Variants in GRID1 observed in about 807,000 individuals in gnomAD.
The protein encoded by GRID1 is glutamate ionotropic receptor delta type subunit 1.
GRID1 carries 28 observed loss-of-function variants against 98.0 expected under a neutral mutation model. The observed-to-expected ratio is 0.29, with a 90% CI of 0.21 to 0.39. The LOEUF is 0.39. Ranked by LOEUF, GRID1 falls within the 10% of genes least tolerant of loss-of-function variation. The pLI is 1.00. For synonymous variants in GRID1, 553 were observed against 538.5 expected (o/e 1.03, Z -0.37); for missense variants, 1,111 against 1,340.5 (o/e 0.83, Z 2.67).
intron 2 of GRID1, among the ~76,000 whole-genome samples, chr10:86,356,489 G>A (rs12778367): frequency 0.12 from 18,359 of 152,182 alleles, 1,466 homozygotes; most frequent in Middle Eastern, 0.21. Flanking sequence ...TGTGGCCAAC[G>A]AGTCATAAGC....
intron 12 of GRID1, among the ~76,000 whole-genome samples, chr10:85,688,536 C>CATGA (rs1841294887): frequency 6.6e-6 from 1 of 152,068 alleles, no homozygotes; most frequent in Non-Finnish European, 1.5e-5. Flanking sequence ...GATTTAAACA[C>CATGA]CCCCCAAAGC....
chr10:86,278,262 C>T (rs1269162628), intron 2 of GRID1, among the ~76,000 whole-genome samples: 1 of 152,082 alleles, frequency 6.6e-6, no homozygotes, highest in Non-Finnish European at 1.5e-5. Context: ...GGCTATAATA[C>T]TATTTTTTAA....
intron 3 of GRID1, among the ~76,000 whole-genome samples, chr10:86,176,466 G>T (rs1011887207): frequency 1.3e-5 from 2 of 152,234 alleles, no homozygotes; most frequent in Non-Finnish European, 2.9e-5. Flanking sequence ...CTGAAAAAAT[G>T]GAGGCATAAG....
In GRID1 at chr10:86,007,035, G is replaced by A. The variant is rs566288842; in HGVS notation, c.727-90796C>T. ...ATGGGGGAAGCAGGGGTCACACTCC[G>A]CAGTTTAATATTGAGAGGCTTGATT... On this transcript the variant is annotated intron_variant, in intron 4 of 15. Transcript: ENST00000327946. 1.1e-4 allele frequency among the ~76,000 whole-genome samples: 17 copies of A among 152,248 alleles called. No individual in the cohort carries two copies. The South Asian group carries it at 3.5e-3, about 32-fold the overall frequency.
chr10:85,756,056 T>C lies in GRID1; in HGVS notation c.1234-26442A>G, dbSNP rs78902993. Among the ~76,000 whole-genome samples the C allele has an allele frequency of 2.2e-4, 33 of 151,834 alleles. No individual in the cohort carries two copies. The East Asian group carries it at 5.1e-3, about 23-fold the overall frequency. On this transcript the variant is annotated intron_variant, in intron 8 of 15. Transcript: ENST00000327946. ...ATAGTCCTCCCTTATCTGAGGGGGA[T>C]ACATTATGTTCCAATACCCCCCCTA...
intron 2 of GRID1, among the ~76,000 whole-genome samples, chr10:86,334,052 A>G (rs571466090): frequency 6.6e-6 from 1 of 151,242 alleles, no homozygotes; most frequent in South Asian, 2.1e-4. Context: ...TGGCCAGGGG[A>G]AGCCCCTCAC....
At chr10:86,155,805 C>A (rs1328057338) in intron 3 of GRID1, among the ~76,000 whole-genome samples, 1 of 152,188 alleles carries the variant, frequency 6.6e-6, no homozygotes, top group Non-Finnish European at 1.5e-5. Context: ...TCATGAATCT[C>A]TAGCCGGGGC....
intron 4 of GRID1, among the ~76,000 whole-genome samples, chr10:86,102,543 C>T (rs932114050): frequency 6.6e-6 from 1 of 152,230 alleles, no homozygotes; most frequent in Non-Finnish European, 1.5e-5. Context: ...CTGCCCGGCG[C>T]TGCCACACCA....
intron 6 of GRID1, among the ~76,000 whole-genome samples, chr10:85,865,971 A>ATATATATACATATATATG (rs1564613351): frequency 6.3e-4 from 68 of 107,678 alleles, no homozygotes; most frequent in Middle Eastern, 4.5e-3. Context: ...AGAGAGAGAG[A>ATATATATACATATATATG]GAGAGAGAGA....
At chr10:86,130,248 C>A (rs2131965843) in intron 4 of GRID1, among the ~76,000 whole-genome samples, 1 of 152,356 alleles carries the variant, frequency 6.6e-6, no homozygotes, top group Non-Finnish European at 1.5e-5. Flanking sequence ...AGGGGACTGG[C>A]AGCTCAAGCA....
chr10:85,787,212 C>T (rs1842437722), intron 8 of GRID1, among the ~76,000 whole-genome samples: 1 of 152,306 alleles, frequency 6.6e-6, no homozygotes, highest in Non-Finnish European at 1.5e-5. Context: ...CCAGGACAGT[C>T]CTGGAAGGGT....
intron 5 of GRID1, among the ~76,000 whole-genome samples, chr10:85,894,454 A>G (rs1479650014): frequency 1.3e-5 from 2 of 152,138 alleles, no homozygotes; most frequent in Non-Finnish European, 2.9e-5. Context: ...CAGTGACAGA[A>G]AGGAGATCAG....
intron 2 of GRID1, among the ~76,000 whole-genome samples, chr10:86,225,673 G>A (rs1846330006): frequency 6.6e-6 from 1 of 152,112 alleles, no homozygotes; most frequent in Non-Finnish European, 1.5e-5. Context: ...TCAAGTTGTT[G>A]GGGAGAGGAG....
At chr10:85,738,947 G>T (rs1444541761) in intron 8 of GRID1, among the ~76,000 whole-genome samples, 1 of 152,070 alleles carries the variant, frequency 6.6e-6, no homozygotes, top group African/African-American at 2.4e-5. Flanking sequence ...ATATACATTT[G>T]TCAGAGCTGA....
intron 4 of GRID1, among the ~76,000 whole-genome samples, chr10:86,048,285 A>T (rs1843453105): frequency 6.6e-6 from 1 of 152,126 alleles, no homozygotes; most frequent in African/African-American, 2.4e-5. Flanking sequence ...CCTCTAGAGG[A>T]TCACTTGAGT....
intron 8 of GRID1, among the ~76,000 whole-genome samples, chr10:85,845,530 T>C (rs1842997451): frequency 1.3e-5 from 2 of 152,186 alleles, no homozygotes; most frequent in Non-Finnish European, 1.5e-5. Flanking sequence ...CCAAATTTTT[T>C]TGTGGAAAAT....
chr10:85,683,667 A>T (rs1841236060), intron 12 of GRID1, among the ~76,000 whole-genome samples: 1 of 152,240 alleles, frequency 6.6e-6, no homozygotes, highest in Non-Finnish European at 1.5e-5. Flanking sequence ...GTAAAATCTG[A>T]CCTGAGAATA....
At chr10:86,000,491 G>T (rs1167270943) in intron 4 of GRID1, among the ~76,000 whole-genome samples, 1 of 152,160 alleles carries the variant, frequency 6.6e-6, no homozygotes, top group Admixed American at 6.5e-5. Context: ...TGAAAAATCA[G>T]TTGAAGAAAT....
At chr10:86,308,498 C>T (rs1209811769) in intron 2 of GRID1, among the ~76,000 whole-genome samples, 1 of 152,182 alleles carries the variant, frequency 6.6e-6, no homozygotes, top group Non-Finnish European at 1.5e-5. Flanking sequence ...CTGTGGGTCA[C>T]TGTTCACAAG....
Sources: gnomAD v4.1 joint callset for allele counts (sites outside exome capture counted in the v4.1 genomes callset) on GRCh38, gnomAD v4.1.1 for gene constraint, MANE v1.5 for transcripts, NCBI Gene and HGNC (gene_info 2026-07-23, HGNC 2026-07-21) for gene names.